MXRA7: variants seen among roughly 807,000 people sequenced by gnomAD.
MXRA7 encodes the protein matrix-remodeling-associated protein 7.
A neutral mutation model predicts 17.4 loss-of-function variants in MXRA7; 18 were observed. The ratio of observed to expected loss-of-function variants is 1.03; its 90% CI spans 0.71 to 1.53. MXRA7 has a LOEUF of 1.53. Ranked by LOEUF, MXRA7 falls within the 40% of genes most tolerant of loss-of-function variation. The pLI is 0.00. For missense variants in MXRA7, 141 were observed against 209.3 expected, an observed-to-expected ratio of 0.67 and a Z score of 2.01; for synonymous variants, 70 against 101.7, an observed-to-expected ratio of 0.69 and a Z score of 1.87.
At chr17:76,697,763 C>A (rs2076547478) in intron 1 of MXRA7, among the ~76,000 whole-genome samples, 1 of 152,166 alleles carries the variant, frequency 6.6e-6, no homozygotes, top group Non-Finnish European at 1.5e-5. Flanking sequence ...AGGGGCCCGG[C>A]CAGGCTGCAG....
intron 1 of MXRA7, among the ~76,000 whole-genome samples, chr17:76,702,908 A>C (rs1657316897): frequency 1.5e-5 from 1 of 65,052 alleles, no homozygotes; most frequent in South Asian, 4.8e-4. Flanking sequence ...AGGCCTCACC[A>C]TAGGAAGAAC....
chr17:76,682,874 C>T (rs961883787), intron 3 of MXRA7, among the ~76,000 whole-genome samples: 3 of 152,196 alleles, frequency 2.0e-5, no homozygotes, highest in Non-Finnish European at 4.4e-5. Flanking sequence ...GGAGCAGCAC[C>T]TCGGGCACAG....
intron 1 of MXRA7, among the ~76,000 whole-genome samples, chr17:76,695,434 G>A (rs758957689): frequency 1.3e-5 from 2 of 151,926 alleles, no homozygotes; most frequent in Non-Finnish European, 2.9e-5. Flanking sequence ...GAGCTCCATC[G>A]TCTAAGGCTG....
At chr17:76,697,512 C>T (rs1410481044) in intron 1 of MXRA7, among the ~76,000 whole-genome samples, 1 of 152,246 alleles carries the variant, frequency 6.6e-6, no homozygotes, top group Non-Finnish European at 1.5e-5. Flanking sequence ...GTCACCCTGG[C>T]TGGTCCCCAG....
At chr17:76,683,425 TGGGA>T (rs1331084023) in intron 3 of MXRA7, among the ~76,000 whole-genome samples, 1 of 152,234 alleles carries the variant, frequency 6.6e-6, no homozygotes, top group East Asian at 1.9e-4. Flanking sequence ...TCTCACAGCT[TGGGA>T]GCACGGACCG....
intron 3 of MXRA7, among the ~76,000 whole-genome samples, chr17:76,682,967 G>A (rs557559478): frequency 1.3e-5 from 2 of 152,292 alleles, no homozygotes; most frequent in South Asian, 4.1e-4. Flanking sequence ...GGGCAGCAGA[G>A]GGTCTACTCT....
intron 2 of MXRA7, 99 bp downstream of exon 2, chr17:76,688,014 C>A: frequency 3.9e-5 from 34 of 877,178 alleles, no homozygotes; most frequent in Non-Finnish European, 5.3e-5. Flanking sequence ...CCCCATCCCT[C>A]CCCTCGGCAC....
chr17:76,686,585 C>T (rs962467957), intron 2 of MXRA7, among the ~76,000 whole-genome samples: 8 of 152,208 alleles, frequency 5.3e-5, no homozygotes, highest in Non-Finnish European at 1.2e-4. Flanking sequence ...CTGAGCCAGA[C>T]AGAACAAACG....
chr17:76,677,650 CCTT>C (rs1567974058), downstream of MXRA7: 2 of 1,613,972 alleles, frequency 1.2e-6, no homozygotes, highest in Admixed American at 3.3e-5. Context: ...CCAAACGTCT[CCTT>C]GTTGTCTTTC....
chr17:76,688,738 C>G, intron 1 of MXRA7: 1 of 1,181,632 alleles, frequency 8.5e-7, no homozygotes. Context: ...CCCGGGATGG[C>G]CTTGGTGGAA....
rs545883194 is a variant in MXRA7 at position 76,700,197 on chromosome 17, C to T, written c.342+10408G>A. On this transcript the variant is annotated intron_variant, in intron 1 of 3. Coordinates refer to ENST00000449428, the MANE Select transcript of MXRA7 (RefSeq NM_198530.4). ...ACGTTGGCCAGGCTGGTCTCGAACT[C>T]CTGACCTCAGGTGATCTGCTCGCCT... is the stretch of plus-strand genomic sequence containing the variant. 4.6e-5 allele frequency among the ~76,000 whole-genome samples: 7 copies of T among 152,354 alleles called. No homozygotes were observed. The South Asian group carries it at 1.5e-3, about 32-fold the overall frequency.
Position 76,706,311 on chromosome 17 carries a change from G to A in MXRA7, c.342+4294C>T, listed in dbSNP as rs112056501. On this transcript the variant is annotated intron_variant, in intron 1 of 3. Transcript: ENST00000449428. ...CCACGCTGCCGTCACAGAGGCCCAC[G>A]CTGCCATCACAAAGGACCACGCTGC... 1.9e-3 allele frequency among the ~76,000 whole-genome samples: 92 copies of A among 47,258 alleles called. 12 individuals are homozygous for A. Among genetic ancestry groups the A allele is most frequent in the East Asian group, 0.016 (31 of 1,970 alleles). 31.0% of individuals were successfully genotyped at this position (47,258 alleles called of 152,430 possible). A position where few individuals can be genotyped will look rare whatever the true frequency, so the allele number is the denominator to read the frequency against.
At chr17:76,689,729 G>A (rs768396810) in intron 1 of MXRA7, 3 of 152,090 alleles carry the variant, frequency 2.0e-5, no homozygotes, top group Admixed American at 2.0e-4. Flanking sequence ...ACTGGGGACC[G>A]GGTGCGGTCG....
chr17:76,689,871 T>G (rs2076458947), intron 1 of MXRA7: 1 of 150,676 alleles, frequency 6.6e-6, no homozygotes, highest in Admixed American at 6.6e-5. Flanking sequence ...ATTAGCCGAG[T>G]GTTGTGGCAG....
chr17:76,680,506 C>T lies in MXRA7; in HGVS notation c.*361G>A. ...GAGGGGAGACTGGAGTGAAAGTGAA[C>T]TCTGCTTTTAAAATGTTCTTTTTAT... On this transcript the variant is annotated 3_prime_UTR_variant, in exon 4 of 4. Coordinates refer to ENST00000449428, the MANE Select transcript of MXRA7 (RefSeq NM_198530.4). 9.8e-7 allele frequency: 1 copy of T among 1,022,596 alleles called. No homozygotes were observed. Among genetic ancestry groups the T allele is most frequent in the South Asian group, 4.4e-5 (1 of 22,842 alleles). The allele number at this position is 1,022,596 out of a possible 1,614,324, so 63.3% of individuals were successfully genotyped here.
At chr17:76,674,425 T>C (rs1483628906) in exon 4 of MXRA7, 1 of 152,226 alleles carries the variant, frequency 6.6e-6, no homozygotes, top group Non-Finnish European at 1.5e-5. Flanking sequence ...GGGGAATAGA[T>C]AGGAGCCACC....
chr17:76,697,536 G>C (rs2076544868), intron 1 of MXRA7, among the ~76,000 whole-genome samples: 1 of 152,236 alleles, frequency 6.6e-6, no homozygotes, highest in African/African-American at 2.4e-5. Context: ...AGGCTGGGCT[G>C]AGCCCAAGCT....
chr17:76,706,191 A>G (rs34531625), intron 1 of MXRA7, among the ~76,000 whole-genome samples: 17,476 of 87,320 alleles, frequency 0.2, 2,562 homozygotes, highest in African/African-American at 0.24. Context: ...CCACGCTGCC[A>G]TCACAGAGGC....
chr17:76,701,071 AGG>A (rs889055222), intron 1 of MXRA7, among the ~76,000 whole-genome samples: 3 of 151,096 alleles, frequency 2.0e-5, no homozygotes, highest in African/African-American at 7.3e-5. Flanking sequence ...TTGCACGCGG[AGG>A]GCTGTGAGCA....
Sources: gnomAD v4.1 joint callset for allele counts (sites outside exome capture counted in the v4.1 genomes callset) on GRCh38, gnomAD v4.1.1 for gene constraint, MANE v1.5 for transcripts, NCBI Gene and HGNC (gene_info 2026-07-23, HGNC 2026-07-21) for gene names.